IQCE: variants seen among roughly 807,000 people sequenced by gnomAD.
The protein encoded by IQCE is IQ domain-containing protein E.
A neutral mutation model predicts 96.0 loss-of-function variants in IQCE; 115 were observed. The ratio of observed to expected loss-of-function variants is 1.20; its 90% CI spans 1.03 to 1.40. The LOEUF is 1.40. Among genes scored for constraint, IQCE ranks in the 40% most tolerant of loss-of-function variants. The pLI is 0.00. For missense variants in IQCE, 1,041 were observed against 909.1 expected (o/e 1.15, Z -1.87); for synonymous variants, 412 against 371.2 (o/e 1.11, Z -1.26).
chr7:2,584,549 C>T, intron 11 of IQCE: 1 of 464,440 alleles, frequency 2.2e-6, no homozygotes, highest in South Asian at 2.9e-5. Context: ...ATCCTGCCTT[C>T]CAGCTTAGAG....
intron 8 of IQCE, among the ~76,000 whole-genome samples, chr7:2,582,367 G>T (rs115319549): frequency 6.6e-6 from 1 of 152,164 alleles, no homozygotes; most frequent in Non-Finnish European, 1.5e-5. Flanking sequence ...TGCTCCAGCC[G>T]GTGTCGCACC....
intron 9 of IQCE, among the ~76,000 whole-genome samples, 169 bp downstream of exon 9, chr7:2,582,819 C>T (rs969192153): frequency 3.3e-5 from 5 of 152,172 alleles, no homozygotes; most frequent in African/African-American, 1.2e-4. Context: ...TTGTTTCCTC[C>T]AGATAATTCC....
chr7:2,568,513 A>T (rs1364848543), intron 2 of IQCE, among the ~76,000 whole-genome samples: 1 of 152,206 alleles, frequency 6.6e-6, no homozygotes, highest in East Asian at 1.9e-4. Flanking sequence ...CACCTTCCAG[A>T]CAGGGTCTCC....
intron 6 of IQCE, among the ~76,000 whole-genome samples, chr7:2,573,731 C>T (rs1305111519): frequency 1.3e-5 from 2 of 152,118 alleles, no homozygotes; most frequent in African/African-American, 2.4e-5. Context: ...TTCTCCAGCA[C>T]GATGGAGAAG....
chr7:2,576,750 G>T (rs1169830706), intron 6 of IQCE, among the ~76,000 whole-genome samples: 1 of 152,158 alleles, frequency 6.6e-6, no homozygotes, highest in Non-Finnish European at 1.5e-5. Context: ...AATTGGTAAA[G>T]AATTTGTCCA....
intron 16 of IQCE, among the ~76,000 whole-genome samples, chr7:2,595,882 C>T (rs941793555): frequency 4.6e-5 from 7 of 151,440 alleles, no homozygotes; most frequent in African/African-American, 1.2e-4. Flanking sequence ...TCACCATGGC[C>T]GGTGCTGTAC....
rs34269895 is a variant in IQCE, at chr7:2,563,893, C to CAAAAAAAA, written c.37-3207_37-3200dup. On this transcript the variant is annotated intron_variant, in intron 1 of 21. Transcript: ENST00000402050. ...TGGGTGAGAGAGCGAGACTCCATCT[C>CAAAAAAAA]AAAAAAAAAAAAAAAAAAAAAAATT... Among the ~76,000 whole-genome samples, 58 of 59,966 alleles carry CAAAAAAAA rather than the reference C, an allele frequency of 9.7e-4. 1 individual carries two copies. Among genetic ancestry groups the CAAAAAAAA allele is most frequent in the African/African-American group, 4.0e-3 (56 of 14,148 alleles). The allele number at this position is 59,966 out of a possible 152,430, so 39.3% of individuals were successfully genotyped here. A position where few individuals can be genotyped will look rare whatever the true frequency, so the allele number is the denominator to read the frequency against.
intron 19 of IQCE, 95 bp downstream of exon 19, chr7:2,605,086 C>T (rs1784700493): frequency 1.2e-6 from 1 of 864,502 alleles, no homozygotes; most frequent in Non-Finnish European, 1.8e-6. Context: ...CCCTCAGCCT[C>T]CACATCCCCG....
chr7:2,572,132 A>C (rs998763509), intron 4 of IQCE, 60 bp from the exon 5 acceptor site: 9 of 1,532,432 alleles, frequency 5.9e-6, no homozygotes, highest in South Asian at 3.7e-5. Flanking sequence ...GATTAGAAAC[A>C]AAACCTCCCA....
intron 11 of IQCE, among the ~76,000 whole-genome samples, chr7:2,585,906 C>G (rs1471087865): frequency 6.6e-6 from 1 of 152,208 alleles, no homozygotes; most frequent in African/African-American, 2.4e-5. Context: ...CCTGGCGTAA[C>G]AAGATGCCTT....
chr7:2,568,842 C>G (rs149987815), intron 2 of IQCE, 112 bp from the exon 3 acceptor site: 2 of 958,756 alleles, frequency 2.1e-6, no homozygotes, highest in Admixed American at 3.8e-5. Context: ...CGTAAGCTCA[C>G]GTCCTCTTGC....
At chr7:2,582,699 C>G in intron 9 of IQCE, 49 bp downstream of exon 9, 1 of 1,536,158 alleles carries the variant, frequency 6.5e-7, no homozygotes, top group Non-Finnish European at 8.9e-7. Flanking sequence ...CCGTGTTCTG[C>G]TTGCTCAGAC....
Position 2,603,338 on chromosome 7 carries a change from C to T in IQCE, c.1633-1543C>T, listed in dbSNP as rs961056447. 3.3e-5 allele frequency among the ~76,000 whole-genome samples: 5 copies of T among 152,304 alleles called. No homozygotes were observed. In the South Asian group the frequency reaches 8.3e-4, roughly 25 times the overall value. ...GAATGCAAGCTCTGTCTTTTTGCCA[C>T]CACACCTCTGGTGCCTAGACTGGCG... On this transcript the variant is annotated intron_variant, in intron 18 of 21. Transcript: ENST00000402050.
rs576551101 is a variant in IQCE at position 2,572,859 on chromosome 7, G to A, written c.394+533G>A. The A allele has an allele frequency of 9.9e-5, 40 of 403,396 alleles. No individual in the cohort carries two copies. In the East Asian group the frequency reaches 2.6e-3, roughly 27 times the overall value. 25.0% of individuals were successfully genotyped at this position (403,396 alleles called of 1,614,324 possible). A position where few individuals can be genotyped will look rare whatever the true frequency, so the allele number is the denominator to read the frequency against. On this transcript the variant is annotated intron_variant, in intron 5 of 21. Coordinates refer to ENST00000402050, the MANE Select transcript of IQCE (RefSeq NM_152558.5). The stretch of plus-strand genomic sequence containing the variant: ...GTGCCCGGCCTCTCTCTTTATCCAC[G>A]TGTTTCCCACCTATCCTCCTTAAGG...
At chr7:2,607,485 G>A (rs972924099) in intron 21 of IQCE, 32 of 1,295,986 alleles carry the variant, frequency 2.5e-5, no homozygotes, top group Non-Finnish European at 2.9e-5. Flanking sequence ...GCTCCAACAG[G>A]ACCGAGGTGG....
In IQCE at chr7:2,606,012, C is replaced by T. The variant is rs369950906; in HGVS notation, c.1865+15C>T. On this transcript the variant is annotated intron_variant, in intron 20 of 21. Transcript: ENST00000402050. ...GCCAGGCACAGGTGAGTCAGGGTCA[C>T]GGGGACGTGGGACACAGACATGGCA... The T allele has an allele frequency of 4.0e-5, 64 of 1,602,036 alleles. No individual in the cohort carries two copies. Among genetic ancestry groups the T allele is most frequent in the Non-Finnish European group, 4.3e-5 (51 of 1,175,496 alleles).
chr7:2,569,443 C>G (rs1444299750), intron 3 of IQCE, among the ~76,000 whole-genome samples: 4 of 152,074 alleles, frequency 2.6e-5, no homozygotes, highest in African/African-American at 9.7e-5. Context: ...ACCTTTTTCC[C>G]CTTTGGATCA....
chr7:2,604,138 G>GT (rs1554318920), intron 18 of IQCE, among the ~76,000 whole-genome samples: 1 of 152,072 alleles, frequency 6.6e-6, no homozygotes, highest in Non-Finnish European at 1.5e-5. Flanking sequence ...ACAGGCATGC[G>GT]CGCCACGTCT....
rs1219292195 is a variant in IQCE at position 2,605,056 on chromosome 7, A to G, written c.1743+65A>G. ...GAGCTGCTCGTCTCGCACTCCATCCATCGAGAAAGCGTAGGGCACCCCTCA... is the reference window on the plus strand; with the variant it reads ...GAGCTGCTCGTCTCGCACTCCATCCGTCGAGAAAGCGTAGGGCACCCCTCA... On this transcript the variant is annotated intron_variant, in intron 19 of 21. Transcript: ENST00000402050. 26 of 1,170,618 alleles carry G rather than the reference A, an allele frequency of 2.2e-5. 1 individual carries two copies. Among genetic ancestry groups the G allele is most frequent in the Non-Finnish European group, 2.8e-5 (22 of 795,620 alleles). 72.5% of individuals were successfully genotyped at this position (1,170,618 alleles called of 1,614,324 possible).
Sources: gnomAD v4.1 joint callset for allele counts (sites outside exome capture counted in the v4.1 genomes callset) on GRCh38, gnomAD v4.1.1 for gene constraint, MANE v1.5 for transcripts, NCBI Gene and HGNC (gene_info 2026-07-23, HGNC 2026-07-21) for gene names.